CELF2: variants seen among roughly 807,000 people sequenced by gnomAD.
CELF2 encodes CUG triplet repeat RNA-binding protein 2.
In CELF2, 8 loss-of-function variants were observed where a neutral mutation model predicts 62.6. That is an observed-to-expected ratio of 0.13 (90% confidence interval 0.07 to 0.23). The LOEUF (loss-of-function observed/expected upper bound fraction) is 0.23. CELF2 is among the 10% of genes least tolerant of loss of function. The pLI, the probability that CELF2 is intolerant of heterozygous loss-of-function variation, is 1.00. For missense variants in CELF2, 333 were observed against 671.0 expected (o/e 0.50, Z 5.56); for synonymous variants, 258 against 250.0 (o/e 1.03, Z -0.30).
intron 1 of CELF2, among the ~76,000 whole-genome samples, chr10:10,807,631 T>C (rs539801027): frequency 6.6e-6 from 1 of 152,286 alleles, no homozygotes; most frequent in South Asian, 2.1e-4. Flanking sequence ...AAGTATAATT[T>C]AGTAGATTTT....
chr10:10,989,218 T>C (rs1564320192), intron 2 of CELF2, among the ~76,000 whole-genome samples: 5 of 152,168 alleles, frequency 3.3e-5, no homozygotes, highest in Admixed American at 1.3e-4. Context: ...CAAATACCAA[T>C]AAAAATTTCA....
At chr10:11,235,661 C>A (rs966164510) in intron 3 of CELF2, among the ~76,000 whole-genome samples, 1 of 152,034 alleles carries the variant, frequency 6.6e-6, no homozygotes, top group Admixed American at 6.6e-5. Flanking sequence ...CTATGGAAGA[C>A]GAGATGAATA....
chr10:11,151,851 C>A (rs926964006), intron 1 of CELF2, among the ~76,000 whole-genome samples: 7 of 152,148 alleles, frequency 4.6e-5, no homozygotes, highest in African/African-American at 1.4e-4. Flanking sequence ...CTTCTTTTCC[C>A]ACTCTGCCCT....
At chr10:10,706,063 G>C in the CELF2 span, among the ~76,000 whole-genome samples, 2 of 152,126 alleles carry the variant, frequency 1.3e-5, no homozygotes, top group Admixed American at 1.3e-4. Context: ...AATTACACAA[G>C]GTGTTCTCTC....
chr10:10,996,361 G>A (rs1240421757), intron 2 of CELF2, among the ~76,000 whole-genome samples: 1 of 152,206 alleles, frequency 6.6e-6, no homozygotes, highest in African/African-American at 2.4e-5. Context: ...TCAGAAATGA[G>A]GGCAAGGAGC....
the CELF2 span, among the ~76,000 whole-genome samples, chr10:10,538,258 C>A: frequency 3.1e-4 from 46 of 149,990 alleles, no homozygotes; most frequent in South Asian, 6.5e-4. Context: ...CTCCTTCCTG[C>A]CTCCCTCTGG....
chr10:10,945,257 C>T (rs374466399), intron 2 of CELF2, among the ~76,000 whole-genome samples: 1 of 152,172 alleles, frequency 6.6e-6, no homozygotes, highest in Non-Finnish European at 1.5e-5. Context: ...GACAGCATTT[C>T]CCTCCTTCGG....
chr10:11,307,700 C>T lies in CELF2; in HGVS notation c.977-6439C>T, dbSNP rs561989000. Among the ~76,000 whole-genome samples the T allele has an allele frequency of 2.0e-5, 3 of 152,266 alleles. No individual in the cohort carries two copies. In the East Asian group the frequency reaches 5.8e-4, roughly 29 times the overall value. ...CAGGCTTAATGAAACCCCATTTTGC[C>T]TCCAGTTGTTTTGTGTTTTGTTTTT... On this transcript the variant is annotated intron_variant, in intron 9 of 12. Coordinates refer to ENST00000633077, the MANE Select transcript of CELF2 (RefSeq NM_001326342.2).
intron 1 of CELF2, chr10:11,092,502 G>A (rs2048596843): frequency 1.3e-5 from 2 of 152,206 alleles, no homozygotes; most frequent in African/African-American, 2.4e-5. Flanking sequence ...CGTTACGTGG[G>A]CGCCTTCATA....
chr10:10,886,479 G>A (rs1463084970), intron 1 of CELF2, among the ~76,000 whole-genome samples: 15 of 152,202 alleles, frequency 9.9e-5, no homozygotes, highest in Admixed American at 9.8e-4. Flanking sequence ...AGATGAGACT[G>A]TTGCACAGAT....
the CELF2 span, among the ~76,000 whole-genome samples, chr10:10,540,044 C>G: frequency 1.3e-5 from 2 of 152,104 alleles, no homozygotes; most frequent in Non-Finnish European, 2.9e-5. Context: ...CCAGCTCTTT[C>G]CAAGAAAATA....
intron 1 of CELF2, among the ~76,000 whole-genome samples, chr10:10,809,464 C>G (rs2055611265): frequency 6.6e-6 from 1 of 152,210 alleles, no homozygotes; most frequent in Admixed American, 6.5e-5. Flanking sequence ...CGGGTTTCAT[C>G]TTATACTTTC....
intron 1 of CELF2, among the ~76,000 whole-genome samples, chr10:11,077,646 A>G (rs11256967): frequency 0.26 from 38,955 of 152,100 alleles, 5,253 homozygotes; most frequent in Middle Eastern, 0.31. Context: ...CCAGAAAGCA[A>G]TTAGGTTCAA....
Position 11,202,994 on chromosome 10 carries a change from T to A in CELF2, c.272-14431T>A, listed in dbSNP as rs2059628433. Among the ~76,000 whole-genome samples, 3 of 144,208 alleles carry A rather than the reference T, an allele frequency of 2.1e-5. No individual in the cohort carries two copies. In the South Asian group the frequency reaches 7.0e-4, roughly 33 times the overall value. 94.6% of individuals were successfully genotyped at this position (144,208 alleles called of 152,430 possible). A position where few individuals can be genotyped will look rare whatever the true frequency, so the allele number is the denominator to read the frequency against. On this transcript the variant is annotated intron_variant, in intron 2 of 12. Coordinates refer to ENST00000633077, the MANE Select transcript of CELF2 (RefSeq NM_001326342.2). ...GTGTAATCCAAACAGGCATTGGCCC[T>A]ACAGTCCAAAGGGCTAAAAAGACTC...
intron 1 of CELF2, among the ~76,000 whole-genome samples, chr10:11,094,008 A>G (rs2049064756): frequency 6.6e-6 from 1 of 152,198 alleles, no homozygotes; most frequent in Admixed American, 6.5e-5. Flanking sequence ...ATGAGATCAG[A>G]CCAACCACAC....
the CELF2 span, among the ~76,000 whole-genome samples, chr10:10,775,281 G>A: frequency 6.6e-6 from 1 of 152,178 alleles, no homozygotes; most frequent in Non-Finnish European, 1.5e-5. Flanking sequence ...AACAACCTTG[G>A]CCTGTCTGAG....
At chr10:11,035,987 T>C (rs1301317499) in intron 1 of CELF2, among the ~76,000 whole-genome samples, 1 of 152,218 alleles carries the variant, frequency 6.6e-6, no homozygotes, top group East Asian at 1.9e-4. Context: ...CTGGTAGTAA[T>C]GTTGACACTG....
At chr10:10,871,534 C>T (rs2060747445) in intron 1 of CELF2, among the ~76,000 whole-genome samples, 2 of 152,014 alleles carry the variant, frequency 1.3e-5, no homozygotes, top group Admixed American at 1.3e-4. Flanking sequence ...GACTGCAATC[C>T]CAGCACTTTG....
At chr10:11,201,719 C>G (rs755961667) in intron 2 of CELF2, among the ~76,000 whole-genome samples, 41 of 152,182 alleles carry the variant, frequency 2.7e-4, no homozygotes, top group Admixed American at 8.5e-4. Flanking sequence ...GGATAAGAAT[C>G]CCAGGGAACA....
Sources: gnomAD v4.1 joint callset for allele counts (sites outside exome capture counted in the v4.1 genomes callset) on GRCh38, gnomAD v4.1.1 for gene constraint, MANE v1.5 for transcripts, NCBI Gene and HGNC (gene_info 2026-07-23, HGNC 2026-07-21) for gene names.